Variants in RGS17 observed in about 807,000 individuals in gnomAD.
The protein encoded by RGS17 is regulator of G protein signaling 17.
RGS17 carries 12 observed loss-of-function variants against 25.5 expected under a neutral mutation model. The ratio of observed to expected loss-of-function variants is 0.47; its 90% CI spans 0.30 to 0.76. RGS17 has a LOEUF of 0.76. Among genes scored for constraint, RGS17 ranks in the 30% least tolerant of loss-of-function variants. RGS17 has a pLI of 0.07. For synonymous variants in RGS17, 71 were observed against 76.9 expected, an observed-to-expected ratio of 0.92 and a Z score of 0.40; for missense variants, 196 against 242.2, an observed-to-expected ratio of 0.81 and a Z score of 1.27.
chr6:153,070,255 A>T (rs1444079982), intron 1 of RGS17, among the ~76,000 whole-genome samples: 4 of 152,046 alleles, frequency 2.6e-5, no homozygotes, highest in African/African-American at 9.7e-5. Context: ...AAGTATGATG[A>T]TTCTCTATTC....
intron 2 of RGS17, among the ~76,000 whole-genome samples, chr6:153,030,997 T>C (rs1584125245): frequency 2.0e-5 from 3 of 152,160 alleles, no homozygotes; most frequent in Admixed American, 1.3e-4. Context: ...AAATGGGCAG[T>C]TGTTTGCCAG....
At chr6:153,044,894 T>C (rs2129110700) in intron 1 of RGS17, among the ~76,000 whole-genome samples, 1 of 152,350 alleles carries the variant, frequency 6.6e-6, no homozygotes, top group South Asian at 2.1e-4. Context: ...AAAAGTTTTG[T>C]CTTTGAGTAA....
Position 153,024,296 on chromosome 6 carries a change from T to A in RGS17, c.410A>T (p.Tyr137Phe). ...TGATAGTATAGAAATGTAATCTTCA[T>A]ATATCATCCTAGCCTTTTCTTCAAT... ...KVIEEKARMI[Y>F]EDYISILSPK... Residue 137 changes from tyrosine to phenylalanine, a missense_variant, in exon 4 of 5, where the codon TAT becomes TTT. Physicochemically the swap from Tyr to Phe is conservative, Grantham distance 22 (BLOSUM62 3). Coordinates refer to ENST00000206262, the MANE Select transcript of RGS17 (RefSeq NM_012419.5). The A allele has an allele frequency of 6.2e-7, 1 of 1,612,826 alleles. No homozygotes were observed.
intron 4 of RGS17, among the ~76,000 whole-genome samples, chr6:153,020,523 A>G (rs2129106511): frequency 6.6e-6 from 1 of 152,276 alleles, no homozygotes; most frequent in East Asian, 1.9e-4. Flanking sequence ...AAATAAGGTA[A>G]TGTAATTTTT....
chr6:153,093,813 A>C (rs1382567688), intron 1 of RGS17, among the ~76,000 whole-genome samples: 3 of 152,156 alleles, frequency 2.0e-5, no homozygotes, highest in African/African-American at 7.2e-5. Flanking sequence ...TTGATCTTGC[A>C]GTCAGGGGAC....
intron 2 of RGS17, among the ~76,000 whole-genome samples, chr6:153,036,305 G>A (rs146728444): frequency 6.6e-6 from 1 of 152,202 alleles, no homozygotes; most frequent in Non-Finnish European, 1.5e-5. Flanking sequence ...CTCCTGCCAT[G>A]TCCTCCCAAA....
intron 1 of RGS17, among the ~76,000 whole-genome samples, chr6:153,070,882 C>A (rs534862817): frequency 7.4e-5 from 11 of 149,348 alleles, no homozygotes; most frequent in African/African-American, 2.2e-4. Flanking sequence ...TGCCCATATA[C>A]GCATATGTAC....
At chr6:153,093,032 T>C (rs1200218250) in intron 1 of RGS17, among the ~76,000 whole-genome samples, 1 of 152,162 alleles carries the variant, frequency 6.6e-6, no homozygotes, top group Non-Finnish European at 1.5e-5. Context: ...CCAAAAAACA[T>C]AAAGATGCTA....
chr6:153,053,669 C>T (rs1013718604), intron 1 of RGS17, among the ~76,000 whole-genome samples: 1 of 151,424 alleles, frequency 6.6e-6, no homozygotes, highest in African/African-American at 2.4e-5. Context: ...ATATGTAGTC[C>T]TAGGTACTTG....
In RGS17 at chr6:153,011,273, T is replaced by G. The variant is rs1933746229; in HGVS notation, c.*301A>C. ...CAAATGAAGCATTTTACTTTGCACA[T>G]GCAGTCTCTGGAGATACACGAGGAG... On this transcript the variant is annotated 3_prime_UTR_variant, in exon 5 of 5. Coordinates refer to ENST00000206262, the MANE Select transcript of RGS17 (RefSeq NM_012419.5). The G allele has an allele frequency of 4.0e-6, 1 of 247,086 alleles. No individual in the cohort carries two copies. Among genetic ancestry groups the G allele is most frequent in the African/African-American group, 2.3e-5 (1 of 44,140 alleles). The allele number at this position is 247,086 out of a possible 1,614,324, so 15.3% of individuals were successfully genotyped here.
intron 1 of RGS17, among the ~76,000 whole-genome samples, chr6:153,107,098 C>T (rs1475383268): frequency 2.7e-5 from 4 of 150,664 alleles, no homozygotes; most frequent in South Asian, 4.3e-4. Context: ...TTTGGGAGGC[C>T]GAAGAGGGTT....
chr6:153,095,901 AT>A (rs553886477), intron 1 of RGS17, among the ~76,000 whole-genome samples: 161 of 152,366 alleles, frequency 1.1e-3, no homozygotes, highest in African/African-American at 3.7e-3. Context: ...CTGTAGTGTT[AT>A]AATACACAAC....
chr6:153,030,773 C>T (rs1475621659), intron 2 of RGS17, among the ~76,000 whole-genome samples: 2 of 152,088 alleles, frequency 1.3e-5, no homozygotes, highest in East Asian at 3.9e-4. Context: ...CTGGTTCATG[C>T]AACATTCCCT....
intron 1 of RGS17, among the ~76,000 whole-genome samples, chr6:153,107,071 G>A (rs769382149): frequency 8.6e-5 from 13 of 151,696 alleles, no homozygotes; most frequent in African/African-American, 1.2e-4. Context: ...GGTGGCTCAC[G>A]CCTGTAATCC....
At chr6:153,053,430 A>C (rs1040975762) in intron 1 of RGS17, among the ~76,000 whole-genome samples, 3 of 152,202 alleles carry the variant, frequency 2.0e-5, no homozygotes, top group African/African-American at 7.2e-5. Flanking sequence ...CTGTGATTGC[A>C]AAAGAAAGAA....
chr6:153,051,617 G>A (rs1172886430), intron 1 of RGS17, among the ~76,000 whole-genome samples: 1 of 152,168 alleles, frequency 6.6e-6, no homozygotes, highest in African/African-American at 2.4e-5. Flanking sequence ...GAGCAATGAA[G>A]TTGGCTATTT....
chr6:153,088,128 C>G (rs1229743418), intron 1 of RGS17, among the ~76,000 whole-genome samples: 1 of 152,200 alleles, frequency 6.6e-6, no homozygotes, highest in African/African-American at 2.4e-5. Flanking sequence ...GACTAGGGGT[C>G]TCCTGCTAAC....
At chr6:153,050,912 G>C (rs758458299) in intron 1 of RGS17, among the ~76,000 whole-genome samples, 5 of 152,160 alleles carry the variant, frequency 3.3e-5, no homozygotes, top group African/African-American at 7.2e-5. Flanking sequence ...GCCTTTCAGA[G>C]GTAATTAGGT....
At chr6:153,013,294 G>A (rs922655784) in intron 4 of RGS17, among the ~76,000 whole-genome samples, 3 of 152,066 alleles carry the variant, frequency 2.0e-5, no homozygotes, top group Non-Finnish European at 4.4e-5. Flanking sequence ...TGTTTTAGGA[G>A]GCCATGAACC....
Sources: allele counts gnomAD v4.1 joint callset (sites outside exome capture counted in the v4.1 genomes callset), GRCh38; gene constraint gnomAD v4.1.1; transcripts MANE v1.5; gene names NCBI Gene and HGNC (gene_info 2026-07-23, HGNC 2026-07-21).